The following PTK2 variants were observed in gnomAD, a reference collection of about 807,000 sequenced individuals.
PTK2 encodes the protein focal adhesion kinase 1.
In PTK2, 45 loss-of-function variants were observed where a neutral mutation model predicts 150.1. The ratio of observed to expected loss-of-function variants is 0.30; its 90% CI spans 0.24 to 0.38. PTK2 has a LOEUF of 0.38. Ranked by LOEUF, PTK2 falls within the 10% of genes least tolerant of loss-of-function variation. PTK2 has a pLI of 1.00. For synonymous variants in PTK2, 432 were observed against 449.2 expected, an observed-to-expected ratio of 0.96 and a Z score of 0.48; for missense variants, 919 against 1,307.3, an observed-to-expected ratio of 0.70 and a Z score of 4.58.
chr8:140,714,847 A>C (rs1179644592), intron 23 of PTK2, among the ~76,000 whole-genome samples: 1 of 149,980 alleles, frequency 6.7e-6, no homozygotes, highest in Non-Finnish European at 1.5e-5. Context: ...ACTTATTCTA[A>C]TATATCACAA....
intron 12 of PTK2, among the ~76,000 whole-genome samples, chr8:140,797,295 T>C (rs1443036827): frequency 6.6e-6 from 1 of 152,218 alleles, no homozygotes; most frequent in Non-Finnish European, 1.5e-5. Flanking sequence ...TTTTACTGAA[T>C]GAGCTGGAAG....
intron 4 of PTK2, chr8:140,879,021 G>A (rs1222799067): frequency 1.3e-5 from 2 of 152,184 alleles, no homozygotes; most frequent in African/African-American, 2.4e-5. Flanking sequence ...ACTCTTTGTA[G>A]GTGCGCTCTA....
At chr8:140,680,222 T>A (rs1035828659) in intron 27 of PTK2, among the ~76,000 whole-genome samples, 38 of 152,302 alleles carry the variant, frequency 2.5e-4, no homozygotes, top group African/African-American at 8.9e-4. Flanking sequence ...GTCATCTGAT[T>A]GTCTTAGAAG....
intron 8 of PTK2, 74 bp from the exon 9 acceptor site, chr8:140,819,094 T>C (rs2100106615): frequency 1.4e-6 from 2 of 1,478,160 alleles, no homozygotes; most frequent in Non-Finnish European, 1.8e-6. Context: ...ATGGTAAGAT[T>C]TCTTTCCTAC....
chr8:140,945,618 T>C, intron 1 of PTK2, among the ~76,000 whole-genome samples: 1 of 151,990 alleles, frequency 6.6e-6, no homozygotes, highest in East Asian at 1.9e-4. Flanking sequence ...AAAAAATATA[T>C]CAATGTTTAA....
intron 1 of PTK2, among the ~76,000 whole-genome samples, chr8:140,932,326 T>C (rs912597692): frequency 1.2e-4 from 18 of 152,160 alleles, no homozygotes; most frequent in Admixed American, 3.3e-4. Flanking sequence ...GCAATTCTCA[T>C]GTCTCAGCCT....
At chr8:140,831,206 T>C (rs545564606) in intron 7 of PTK2, among the ~76,000 whole-genome samples, 2 of 152,238 alleles carry the variant, frequency 1.3e-5, no homozygotes, top group Admixed American at 6.5e-5. Context: ...GCCAAGAAAA[T>C]AGGTTGGAAA....
intron 2 of PTK2, among the ~76,000 whole-genome samples, chr8:140,917,311 C>G (rs938172632): frequency 6.6e-6 from 1 of 151,548 alleles, no homozygotes; most frequent in Non-Finnish European, 1.5e-5. Flanking sequence ...CTGCTTGAAC[C>G]AGCCTGGGCG....
At chr8:140,906,734 A>G (rs1341548167) in intron 2 of PTK2, among the ~76,000 whole-genome samples, 1 of 152,210 alleles carries the variant, frequency 6.6e-6, no homozygotes, top group Non-Finnish European at 1.5e-5. Flanking sequence ...AATAAGTTCT[A>G]GTATTTGATA....
At chr8:140,708,909 G>A in intron 23 of PTK2, among the ~76,000 whole-genome samples, 1 of 149,460 alleles carries the variant, frequency 6.7e-6, no homozygotes, top group Non-Finnish European at 1.5e-5. Flanking sequence ...CAGAGCCAGG[G>A]ACCAGAACAA....
chr8:140,859,969 A>G (rs1278778096), intron 5 of PTK2, among the ~76,000 whole-genome samples: 1 of 152,248 alleles, frequency 6.6e-6, no homozygotes, highest in Non-Finnish European at 1.5e-5. Context: ...ATTACTTACC[A>G]AACCAGCAAT....
At chr8:140,863,335 A>G (rs2100137341) in intron 5 of PTK2, among the ~76,000 whole-genome samples, 1 of 152,132 alleles carries the variant, frequency 6.6e-6, no homozygotes, top group South Asian at 2.1e-4. Flanking sequence ...TAAAAATTCA[A>G]TCTATCCCTG....
intron 29 of PTK2, 177 bp downstream of exon 33, chr8:140,669,550 T>G: frequency 1.6e-6 from 1 of 611,510 alleles, no homozygotes; most frequent in Non-Finnish European, 2.8e-6. Context: ...GATGTACATG[T>G]CTCATTCTTT....
intron 2 of PTK2, among the ~76,000 whole-genome samples, chr8:140,896,765 G>A (rs550152995): frequency 9.1e-6 from 1 of 109,886 alleles, no homozygotes; most frequent in Non-Finnish European, 1.8e-5. Context: ...TACCATAGAC[G>A]CCCCCCCTTC....
chr8:140,979,612 A>G (rs4017972), intron 1 of PTK2, among the ~76,000 whole-genome samples: 151,399 of 152,322 alleles, frequency 0.99, 75,249 homozygotes, highest in East Asian at 1. Flanking sequence ...GGAGTGATAC[A>G]GTTTGGCTGT....
chr8:140,997,719 A>G (rs140473508), intron 1 of PTK2, among the ~76,000 whole-genome samples: 4,389 of 152,314 alleles, frequency 0.029, 210 homozygotes, highest in African/African-American at 0.099. Flanking sequence ...TGGGAGGATC[A>G]CTTGAGCCCA....
At chr8:140,746,768 G>A (rs1158008220) in exon 18 of PTK2, 1 of 1,608,590 alleles carries the variant, frequency 6.2e-7, no homozygotes, top group African/African-American at 1.3e-5. Flanking sequence ...ACCTCTCCAA[G>A]TGTGCACAGC....
At chr8:140,809,484 C>T (rs758457474) in intron 10 of PTK2, among the ~76,000 whole-genome samples, 8 of 152,088 alleles carry the variant, frequency 5.3e-5, no homozygotes, top group Admixed American at 1.3e-4. Context: ...TTACCAAAGC[C>T]GACACAAGTG....
At chr8:140,681,767 A>G (rs1299523582) in intron 27 of PTK2, among the ~76,000 whole-genome samples, 1 of 151,990 alleles carries the variant, frequency 6.6e-6, no homozygotes, top group Non-Finnish European at 1.5e-5. Flanking sequence ...ACAGAGCGAG[A>G]CTCCGTCTCA....
Sources: gnomAD v4.1 joint callset for allele counts (sites outside exome capture counted in the v4.1 genomes callset) on GRCh38, gnomAD v4.1.1 for gene constraint, MANE v1.5 for transcripts, NCBI Gene and HGNC (gene_info 2026-07-23, HGNC 2026-07-21) for gene names.